PIH1D2: variants seen among roughly 807,000 people sequenced by gnomAD.
The protein encoded by PIH1D2 is PIH1 domain-containing protein 2.
PIH1D2 carries 25 observed loss-of-function variants against 31.2 expected under a neutral mutation model. The ratio of observed to expected loss-of-function variants is 0.80; its 90% confidence interval spans 0.58 to 1.12. The LOEUF is 1.12. PIH1D2 is among the 50% of genes most tolerant of loss of function. PIH1D2 has a pLI of 0.00. For missense variants in PIH1D2, 310 were observed against 356.6 expected, an observed-to-expected ratio of 0.87 and a Z score of 1.05; for synonymous variants, 116 against 119.9, an observed-to-expected ratio of 0.97 and a Z score of 0.21.
chr11:112,059,056 A>G (rs1163095375), downstream of PIH1D2, among the ~76,000 whole-genome samples: 2 of 152,064 alleles, frequency 1.3e-5, no homozygotes, highest in African/African-American at 4.8e-5. Flanking sequence ...TTGTGTAAAA[A>G]AAAAAAAAAG....
rs868988170 is a variant in PIH1D2, at chr11:112,071,139, T to G, written c.446A>C (p.His149Pro). The G allele has an allele frequency of 6.2e-7, 1 of 1,613,834 alleles. No homozygotes were observed. Among genetic ancestry groups the G allele is most frequent in the African/African-American group, 1.3e-5 (1 of 74,910 alleles). ...TCCTTTTATTCTAAATTTGGTAATA[T>G]GGTAAGAGTGTGAGAGGGTGAACTG... Reference protein sequence around the residue: ...KFQFTLSHSYHITKFRIKGSI... With the variant: ...KFQFTLSHSYPITKFRIKGSI... Residue 149 changes from histidine to proline, a missense_variant, in exon 4 of 6, where the codon CAT (histidine) becomes CCT (proline). Transcript: ENST00000280350.
downstream of PIH1D2, chr11:112,064,295 A>T (rs1231044674): frequency 3.1e-6 from 4 of 1,304,264 alleles, no homozygotes; most frequent in African/African-American, 6.0e-5. Flanking sequence ...CTATAATCTA[A>T]ATCGATTCAG....
chr11:112,061,106 A>G (rs782651098), downstream of PIH1D2: 23 of 1,614,010 alleles, frequency 1.4e-5, no homozygotes, highest in Non-Finnish European at 1.9e-5. Flanking sequence ...TTATTAACCC[A>G]CCTCAAGCAT....
At chr11:112,057,984 G>A in the PIH1D2 span, among the ~76,000 whole-genome samples, 3,796 of 152,236 alleles carry the variant, frequency 0.025, 164 homozygotes, top group African/African-American at 0.087. Context: ...CATAACTTTT[G>A]TATGTACTAG....
At chr11:112,064,013 A>AT (rs1311683860), downstream of PIH1D2, 1 of 652,396 alleles carries the variant, frequency 1.5e-6, no homozygotes, top group Non-Finnish European at 2.5e-6. Context: ...CACTCCATAT[A>AT]TTCCACACAG....
At chr11:112,065,408 T>C (rs1864884094), downstream of PIH1D2, among the ~76,000 whole-genome samples, 2 of 152,254 alleles carry the variant, frequency 1.3e-5, no homozygotes, top group Admixed American at 6.5e-5. Flanking sequence ...ATCTAAGTGC[T>C]GAGTGCAAGG....
intron 2 of PIH1D2, chr11:112,072,742 T>C (rs529530724): frequency 6.4e-6 from 2 of 311,532 alleles, no homozygotes; most frequent in African/African-American, 4.3e-5. Context: ...TACACACCTG[T>C]AATCCCAGCT....
the PIH1D2 span, among the ~76,000 whole-genome samples, chr11:112,053,603 C>G: frequency 6.6e-6 from 1 of 152,038 alleles, no homozygotes; most frequent in Non-Finnish European, 1.5e-5. Flanking sequence ...CAGGCATGCG[C>G]CACCACTCCC....
downstream of PIH1D2, chr11:112,067,705 T>C: frequency 5.3e-6 from 1 of 189,664 alleles, no homozygotes; most frequent in Non-Finnish European, 9.2e-6. Context: ...TATATATATA[T>C]ATATATATTT....
downstream of PIH1D2, chr11:112,063,805 C>A (rs1233440780): frequency 1.2e-5 from 2 of 165,898 alleles, no homozygotes; most frequent in Non-Finnish European, 2.6e-5. Flanking sequence ...GAATTGGGAA[C>A]ATTATCACAA....
chr11:112,054,749 C>T, the PIH1D2 span, among the ~76,000 whole-genome samples: 1 of 152,122 alleles, frequency 6.6e-6, no homozygotes, highest in African/African-American at 2.4e-5. Flanking sequence ...TCTCACAGTT[C>T]GGGAAACAAG....
At chr11:112,065,479 G>T (rs1864887640), downstream of PIH1D2, among the ~76,000 whole-genome samples, 1 of 152,186 alleles carries the variant, frequency 6.6e-6, no homozygotes, top group Non-Finnish European at 1.5e-5. Context: ...TAGTGATTTT[G>T]TAGGAGTAAA....
downstream of PIH1D2, chr11:112,067,685 A>AAAAAAAAAAAATATATATATATATAT: frequency 5.6e-5 from 1 of 17,802 alleles, no homozygotes; most frequent in Non-Finnish European, 1.1e-4. Flanking sequence ...AAAAAAAAAA[A>AAAAAAAAAAAATATATATATATATAT]ATATATATAT....
At chr11:112,060,038 G>A (rs1555183025), downstream of PIH1D2, 3 of 1,613,914 alleles carry the variant, frequency 1.9e-6, no homozygotes, top group South Asian at 3.3e-5. Context: ...AAGCAAGAGA[G>A]GGTAAACTAC....
chr11:112,053,781 C>T, the PIH1D2 span, among the ~76,000 whole-genome samples: 1 of 152,142 alleles, frequency 6.6e-6, no homozygotes, highest in Non-Finnish European at 1.5e-5. Context: ...ACTATTGTTT[C>T]TTCTGGTATT....
chr11:112,063,802 GA>G (rs1864786563), downstream of PIH1D2: 1 of 165,946 alleles, frequency 6.0e-6, no homozygotes. Flanking sequence ...AATGAATTGG[GA>G]ACATTATCAC....
At chr11:112,055,633 C>T in the PIH1D2 span, among the ~76,000 whole-genome samples, 1 of 152,018 alleles carries the variant, frequency 6.6e-6, no homozygotes, top group East Asian at 1.9e-4. Flanking sequence ...CCTTTCAGTT[C>T]TCTCCTTCTA....
chr11:112,070,776 T>G (rs1865085633), intron 4 of PIH1D2, 75 bp from the exon 5 acceptor site: 2 of 1,470,552 alleles, frequency 1.4e-6, no homozygotes, highest in Non-Finnish European at 1.8e-6. Context: ...ATAATATATG[T>G]GGTGTTAGTA....
Position 112,071,638 on chromosome 11 carries a change from A to T in PIH1D2, c.298T>A (p.Ser100Thr). 6.2e-7 allele frequency: 1 copy of T among 1,613,398 alleles called. No individual in the cohort carries two copies. Among genetic ancestry groups the T allele is most frequent in the Non-Finnish European group, 8.5e-7 (1 of 1,179,410 alleles). Residue 100 changes from serine (S) to threonine (T), a missense_variant, in exon 3 of 6, where the codon TCA becomes ACA. Transcript: ENST00000280350. ...GCTTTCTCTCAATTATTTGTACCTG[A>T]TATCTCAGTTGTATCTTCTGGTTTG... ...VGKPEDTTEI[S>T]DAYTVIDVAY...
Sources: allele counts gnomAD v4.1 joint callset (sites outside exome capture counted in the v4.1 genomes callset), GRCh38; gene constraint gnomAD v4.1.1; transcripts MANE v1.5; gene names NCBI Gene and HGNC (gene_info 2026-07-23, HGNC 2026-07-21).